The following ACSM2B variants were observed in gnomAD, a reference collection of about 807,000 sequenced individuals.
ACSM2B encodes acyl-coenzyme A synthetase ACSM2B, mitochondrial.
ACSM2B carries 58 observed loss-of-function variants against 78.6 expected under a neutral mutation model. That is an observed-to-expected ratio of 0.74 (90% CI 0.60 to 0.92). The LOEUF is 0.92. ACSM2B is among the 40% of genes least tolerant of loss of function. ACSM2B has a pLI of 0.00. For synonymous variants in ACSM2B, 257 were observed against 256.8 expected, an observed-to-expected ratio of 1.00 and a Z score of -0.01; for missense variants, 688 against 711.2, an observed-to-expected ratio of 0.97 and a Z score of 0.37.
At chr16:20,559,532 G>C in intron 2 of ACSM2B, 85 bp from the exon 3 acceptor site, 1 of 1,505,424 alleles carries the variant, frequency 6.6e-7, no homozygotes, top group Non-Finnish European at 8.9e-7. Context: ...TTGCCAAGCT[G>C]GTGCTTAGTA....
chr16:20,545,192 G>A lies in ACSM2B; in HGVS notation c.1246C>T (p.Pro416Ser). Reference protein sequence around the residue: ...TEGDIGIRVKPIRPIGIFSGY... With the variant: ...TEGDIGIRVKSIRPIGIFSGY... Reference sequence around the variant, plus strand: ...GAGAAGATGCCTATAGGCCTGATGGGTTTGACCCTGATGCCAATGTCTCCT... The same window carrying A: ...GAGAAGATGCCTATAGGCCTGATGGATTTGACCCTGATGCCAATGTCTCCT... The change falls in exon 10 of 14, where the codon CCC (proline) becomes TCC (serine). Residue 416 changes from proline (P) to serine (S), a missense_variant. Coordinates refer to ENST00000329697, the MANE Select transcript of ACSM2B (RefSeq NM_001105069.2). 1 of 1,613,944 alleles carries A rather than the reference G, an allele frequency of 6.2e-7. No individual in the cohort carries two copies. Among genetic ancestry groups the A allele is most frequent in the Non-Finnish European group, 8.5e-7 (1 of 1,179,860 alleles).
At chr16:20,571,157 C>G (rs1297813504) in intron 1 of ACSM2B, among the ~76,000 whole-genome samples, 2 of 151,676 alleles carry the variant, frequency 1.3e-5, no homozygotes, top group Admixed American at 6.6e-5. Context: ...GAGGTGTGGC[C>G]TTAGATTGTC....
At chr16:20,552,004 C>A in intron 6 of ACSM2B, 140 bp downstream of exon 6, 1 of 1,406,656 alleles carries the variant, frequency 7.1e-7, no homozygotes. Flanking sequence ...GGACCATTTC[C>A]ATCTCGTTTA....
At chr16:20,552,776 C>A (rs1366663915) in intron 5 of ACSM2B, among the ~76,000 whole-genome samples, 1 of 152,192 alleles carries the variant, frequency 6.6e-6, no homozygotes, top group African/African-American at 2.4e-5. Context: ...CATCCCTTTT[C>A]TCTTTTCAGG....
chr16:20,537,252 G>A lies in ACSM2B; in HGVS notation c.*6C>T. On this transcript the variant is annotated 3_prime_UTR_variant, in exon 14 of 14. Transcript: ENST00000329697. Reference sequence around the variant, plus strand: ...GGGGAATCCAAATGAATGTCTCCTAGACGCCTCACTGCGCACGGGCTTTTC... The same window carrying A: ...GGGGAATCCAAATGAATGTCTCCTAAACGCCTCACTGCGCACGGGCTTTTC... 1 of 1,613,822 alleles carries A rather than the reference G, an allele frequency of 6.2e-7. No homozygotes were observed. Among genetic ancestry groups the A allele is most frequent in the Non-Finnish European group, 8.5e-7 (1 of 1,179,692 alleles).
At chr16:20,570,537 C>T (rs934191007) in intron 1 of ACSM2B, among the ~76,000 whole-genome samples, 2 of 151,724 alleles carry the variant, frequency 1.3e-5, no homozygotes, top group Non-Finnish European at 2.9e-5. Flanking sequence ...TTTGTTACAT[C>T]CTTTTCTGGT....
At position 20,542,972 on chromosome 16, in the gene ACSM2B, T is replaced by C. The variant is rs766265299; in HGVS notation, c.1451A>G (p.Lys484Arg). ...GPSEVENALM[K>R]HPAVVETAVI... ...AGCCGTCTCAACCACAGCAGGGTGC[T>C]TCATCAGTGCATTCTCTACCTCCGA... is the stretch of plus-strand genomic sequence containing the variant. The change falls in exon 12 of 14, where the codon AAG becomes AGG. Residue 484 changes from lysine to arginine, a missense_variant. Transcript: ENST00000329697. 12 of 1,613,526 alleles carry C rather than the reference T, an allele frequency of 7.4e-6. No homozygotes were observed. In the South Asian group the frequency reaches 1.3e-4, roughly 18 times the overall value.
chr16:20,539,803 G>A (rs974272887), intron 13 of ACSM2B, among the ~76,000 whole-genome samples: 3 of 151,554 alleles, frequency 2.0e-5, no homozygotes, highest in Non-Finnish European at 4.4e-5. Flanking sequence ...AAGCTGCTGA[G>A]AATATATGTT....
chr16:20,568,388 ATAC>A (rs1347630575), intron 1 of ACSM2B, among the ~76,000 whole-genome samples: 3 of 146,030 alleles, frequency 2.1e-5, no homozygotes, highest in Non-Finnish European at 4.5e-5. Flanking sequence ...TATATAAACT[ATAC>A]TACTATATAT....
intron 2 of ACSM2B, among the ~76,000 whole-genome samples, chr16:20,560,664 G>C (rs2015625442): frequency 1.3e-5 from 2 of 152,060 alleles, no homozygotes; most frequent in Admixed American, 6.5e-5. Context: ...TACCAGAAGT[G>C]GGATATTGCT....
chr16:20,546,978 G>A (rs183545345), intron 8 of ACSM2B: 39 of 365,102 alleles, frequency 1.1e-4, no homozygotes, highest in Middle Eastern at 1.5e-3. Context: ...ACTTTTTAAA[G>A]TATCTCCCAT....
At chr16:20,540,606 A>G (rs369834273) in intron 13 of ACSM2B, 48 bp downstream of exon 13, 12 of 1,601,554 alleles carry the variant, frequency 7.5e-6, no homozygotes, top group Non-Finnish European at 1.0e-5. Flanking sequence ...TAACAGGAAA[A>G]CAATCTATTT....
At chr16:20,561,762 G>A (rs886975090) in intron 2 of ACSM2B, among the ~76,000 whole-genome samples, 7 of 150,518 alleles carry the variant, frequency 4.7e-5, no homozygotes, top group South Asian at 4.3e-4. Context: ...TGTGCACAAC[G>A]TGCACGTTTG....
chr16:20,569,406 C>A lies in ACSM2B; in HGVS notation c.-8-4553G>T, dbSNP rs1367566078. Reference sequence around the variant, plus strand: ...TGGGTTTATTTCTGGGTTCTCTATTCTGTTCCTTCTGTTCCATGGTTCTAC... The same window carrying A: ...TGGGTTTATTTCTGGGTTCTCTATTATGTTCCTTCTGTTCCATGGTTCTAC... On this transcript the variant is annotated intron_variant, in intron 1 of 13. Transcript: ENST00000329697. 2.6e-5 allele frequency among the ~76,000 whole-genome samples: 4 copies of A among 151,914 alleles called. 1 individual carries two copies. In the Middle Eastern group the frequency reaches 0.014, roughly 517 times the overall value.
chr16:20,551,470 A>C (rs187247806), intron 6 of ACSM2B, among the ~76,000 whole-genome samples: 6 of 152,168 alleles, frequency 3.9e-5, no homozygotes, highest in Non-Finnish European at 5.9e-5. Flanking sequence ...CCATGTGAGA[A>C]TATAGCAGTA....
At chr16:20,557,842 T>G in intron 3 of ACSM2B, among the ~76,000 whole-genome samples, 1 of 152,222 alleles carries the variant, frequency 6.6e-6, no homozygotes, top group East Asian at 1.9e-4. Flanking sequence ...ATTATGACAC[T>G]GAGGGAAATC....
chr16:20,559,891 G>A lies in ACSM2B; in HGVS notation c.178-444C>T, dbSNP rs1201475537. Among the ~76,000 whole-genome samples the A allele has an allele frequency of 1.3e-5, 2 of 150,918 alleles. 1 individual carries two copies. Among genetic ancestry groups the A allele is most frequent in the Non-Finnish European group, 2.9e-5 (2 of 67,998 alleles). Reference sequence around the variant, plus strand: ...TTCACTCTGTTGTGAGTACCAACATGTATCTTCTGGAAAATGCTATTGTAT... The same window carrying A: ...TTCACTCTGTTGTGAGTACCAACATATATCTTCTGGAAAATGCTATTGTAT... On this transcript the variant is annotated intron_variant, in intron 2 of 13. Coordinates refer to ENST00000329697, the MANE Select transcript of ACSM2B (RefSeq NM_001105069.2).
intron 1 of ACSM2B, among the ~76,000 whole-genome samples, chr16:20,567,267 A>C (rs866525124): frequency 7.9e-6 from 1 of 127,236 alleles, no homozygotes; most frequent in Non-Finnish European, 1.6e-5. Flanking sequence ...AATATATAGT[A>C]TAATATATAA....
intron 1 of ACSM2B, among the ~76,000 whole-genome samples, chr16:20,568,498 T>G (rs1446113644): frequency 6.6e-6 from 1 of 150,850 alleles, no homozygotes; most frequent in Non-Finnish European, 1.5e-5. Context: ...GGTTCCATAT[T>G]CCTGTAATTG....
Sources: gnomAD v4.1 joint callset for allele counts (sites outside exome capture counted in the v4.1 genomes callset) on GRCh38, gnomAD v4.1.1 for gene constraint, MANE v1.5 for transcripts, NCBI Gene and HGNC (gene_info 2026-07-23, HGNC 2026-07-21) for gene names.